The following ACMSD variants were observed in gnomAD, a reference collection of about 807,000 sequenced individuals.
The protein encoded by ACMSD is 2-amino-3-carboxymuconate-6-semialdehyde decarboxylase.
Under a neutral mutation model 45.9 loss-of-function variants are expected in ACMSD, and 37 were observed. That is an observed-to-expected ratio of 0.81 (90% CI 0.62 to 1.06). ACMSD has a LOEUF of 1.06. ACMSD is among the 50% of genes least tolerant of loss of function. ACMSD has a pLI of 0.00. For synonymous variants in ACMSD, 138 were observed against 148.8 expected, an observed-to-expected ratio of 0.93 and a Z score of 0.53; for missense variants, 434 against 420.9, an observed-to-expected ratio of 1.03 and a Z score of -0.27.
In ACMSD at chr2:134,885,313, A is replaced by ATT. The variant is rs1302236521; in HGVS notation, c.849+12673_849+12674insTT. Among the ~76,000 whole-genome samples, 43 of 103,644 alleles carry ATT rather than the reference A, an allele frequency of 4.1e-4. No homozygotes were observed. In the Middle Eastern group the frequency reaches 0.016, roughly 39 times the overall value. 68.0% of individuals were successfully genotyped at this position (103,644 alleles called of 152,430 possible). On this transcript the variant is annotated intron_variant, in intron 8 of 9. Transcript: ENST00000356140. ...TATTTATATATATATTTAAATATAT[A>ATT]TATATAAATATATATGTAAATATAT...
At chr2:134,872,833 G>A (rs1688526433) in intron 8 of ACMSD, 192 bp downstream of exon 8, 1 of 606,180 alleles carries the variant, frequency 1.6e-6, no homozygotes, top group African/African-American at 1.9e-5. Flanking sequence ...TCCACACAGA[G>A]TACATAACAC....
At chr2:134,838,972 A>G (rs972724788) in intron 1 of ACMSD, among the ~76,000 whole-genome samples, 1 of 152,232 alleles carries the variant, frequency 6.6e-6, no homozygotes, top group East Asian at 1.9e-4. Flanking sequence ...TTTTCCCTCA[A>G]ATGAACCATT....
At position 134,872,523 on chromosome 2, in the gene ACMSD, C is replaced by T; in HGVS notation, c.731C>T (p.Pro244Leu). The T allele has an allele frequency of 6.2e-7, 1 of 1,614,158 alleles. No homozygotes were observed. The highest frequency in any genetic ancestry group is 8.5e-7 in the Non-Finnish European group (1 of 1,180,036). Residue 244 changes from proline (P) to leucine (L), a missense_variant, in exon 8 of 10, where the codon CCA becomes CTA. Transcript: ENST00000356140. ...GRISHGFSMR[P>L]DLCAQDNPMN... ...ATCTCCCATGGATTCAGCATGCGCC[C>T]AGATCTGTGTGCCCAGGACAACCCC...
chr2:134,874,506 G>A (rs1212608300), intron 8 of ACMSD, among the ~76,000 whole-genome samples: 2 of 152,120 alleles, frequency 1.3e-5, no homozygotes. Context: ...AGAGCAACCT[G>A]GCCAGATTTG....
rs1476973918 is a variant in ACMSD, at chr2:134,840,187, AAAAAAAC to A, written c.57+1449_57+1455del. Among the ~76,000 whole-genome samples, 160 of 136,518 alleles carry A rather than the reference AAAAAAAC, an allele frequency of 1.2e-3. 6 individuals are homozygous for A. The highest frequency in any genetic ancestry group is 3.6e-3 in the African/African-American group (129 of 35,750). 89.6% of individuals were successfully genotyped at this position (136,518 alleles called of 152,430 possible). A position where few individuals can be genotyped will look rare whatever the true frequency, so the allele number is the denominator to read the frequency against. On this transcript the variant is annotated intron_variant, in intron 1 of 9. Transcript: ENST00000356140. ...CCTAGCAAAAAAAAAAAAAAAAAAA[AAAAAAAC>A]CACTAATTCCTCTGTTACAGCTTTT...
In ACMSD at chr2:134,863,579, C is replaced by G. The variant is rs550216514; in HGVS notation, c.434C>G (p.Thr145Ser). The G allele has an allele frequency of 5.0e-6, 8 of 1,614,182 alleles. No homozygotes were observed. The South Asian group carries it at 8.8e-5, about 18-fold the overall frequency. The change falls in exon 5 of 10, where the codon ACC (threonine) becomes AGC (serine). Residue 145 changes from threonine to serine, a missense_variant. Physicochemically the swap from Thr to Ser is moderately conservative, Grantham distance 58. Coordinates refer to ENST00000356140, the MANE Select transcript of ACMSD (RefSeq NM_138326.3). Reference sequence around the variant, plus strand: ...GGCTTTCCCGGGGTCCAAATTGGCACCCACGTCAACGAGTGGGACCTGAAC... The same window carrying G: ...GGCTTTCCCGGGGTCCAAATTGGCAGCCACGTCAACGAGTGGGACCTGAAC... ...ELGFPGVQIG[T>S]HVNEWDLNAQ... is the part of the protein sequence containing the mutation.
At chr2:134,900,655 G>T (rs1690445935) in intron 9 of ACMSD, among the ~76,000 whole-genome samples, 1 of 152,146 alleles carries the variant, frequency 6.6e-6, no homozygotes, top group African/African-American at 2.4e-5. Context: ...AGTAATTTGT[G>T]CACAGTATAT....
intron 6 of ACMSD, chr2:134,867,878 T>C (rs1573657610): frequency 5.6e-6 from 2 of 359,504 alleles, no homozygotes; most frequent in East Asian, 4.4e-5. Context: ...TCCAATACCA[T>C]CATAAATAAA....
chr2:134,876,659 T>C (rs1213182504), intron 8 of ACMSD, among the ~76,000 whole-genome samples: 8 of 152,192 alleles, frequency 5.3e-5, no homozygotes, highest in East Asian at 1.9e-4. Context: ...GTTAATTTTT[T>C]TTAATAAGTA....
intron 4 of ACMSD, chr2:134,862,853 G>A: frequency 1.9e-6 from 1 of 533,224 alleles, no homozygotes; most frequent in South Asian, 8.2e-5. Context: ...GGGAGCATTA[G>A]GAAAACCAAC....
intron 9 of ACMSD, among the ~76,000 whole-genome samples, chr2:134,901,491 TG>T (rs1690498260): frequency 6.6e-6 from 1 of 152,216 alleles, no homozygotes; most frequent in Admixed American, 6.5e-5. Context: ...TCTCTGTATT[TG>T]CCCCCAAATG....
At position 134,859,265 on chromosome 2, in the gene ACMSD, A is replaced by G. The variant is rs766592428; in HGVS notation, c.107A>G (p.Glu36Gly). The G allele has an allele frequency of 8.7e-6, 14 of 1,613,802 alleles. No individual in the cohort carries two copies. In the East Asian group the frequency reaches 3.1e-4, roughly 36 times the overall value. ...WVQLQHHSKG[E>G]AKLLKDGKVF... ...AATGTGGGTTTTCTGCCCCAGGGAG[A>G]AGCAAAGTTGTTGAAAGATGGGAAA... is the stretch of plus-strand genomic sequence containing the variant. Residue 36 changes from glutamate (E) to glycine (G), a missense_variant, in exon 3 of 10, where the codon GAA (glutamate) becomes GGA (glycine). Glu to Gly is a moderately conservative substitution (Grantham distance 98, BLOSUM62 -2). Transcript: ENST00000356140.
intron 2 of ACMSD, among the ~76,000 whole-genome samples, chr2:134,846,615 C>A (rs1344181591): frequency 6.6e-6 from 1 of 152,062 alleles, no homozygotes; most frequent in Non-Finnish European, 1.5e-5. Context: ...CTATGTTGTC[C>A]AGGCTGACCT....
At chr2:134,847,819 T>C (rs1261902778) in intron 2 of ACMSD, among the ~76,000 whole-genome samples, 1 of 151,918 alleles carries the variant, frequency 6.6e-6, no homozygotes, top group Non-Finnish European at 1.5e-5. Flanking sequence ...TAGTATTCCA[T>C]GGTATATATA....
chr2:134,901,765 A>G (rs377281354), intron 9 of ACMSD, 33 bp from the exon 10 acceptor site: 6 of 1,555,098 alleles, frequency 3.9e-6, no homozygotes, highest in East Asian at 2.3e-5. Flanking sequence ...AAAACAACCA[A>G]TAATGCTTTA....
intron 6 of ACMSD, among the ~76,000 whole-genome samples, chr2:134,868,246 G>T (rs1199115802): frequency 6.6e-6 from 1 of 152,142 alleles, no homozygotes; most frequent in Non-Finnish European, 1.5e-5. Flanking sequence ...CCTCTCTTCT[G>T]CCCTTTGCCT....
At position 134,840,194 on chromosome 2, in the gene ACMSD, C is replaced by CAAAA. The variant is rs1300580743; in HGVS notation, c.57+1455_57+1456insAAAA. Among the ~76,000 whole-genome samples the CAAAA allele has an allele frequency of 1.0e-4, 7 of 68,764 alleles. No homozygotes were observed. The East Asian group carries it at 1.9e-3, about 19-fold the overall frequency. 45.1% of individuals were successfully genotyped at this position (68,764 alleles called of 152,430 possible). The stretch of plus-strand genomic sequence containing the variant: ...AAAAAAAAAAAAAAAAAAAAAAAAA[C>CAAAA]CACTAATTCCTCTGTTACAGCTTTT... On this transcript the variant is annotated intron_variant, in intron 1 of 9. Coordinates refer to ENST00000356140, the MANE Select transcript of ACMSD (RefSeq NM_138326.3).
rs1334780069 is a variant in ACMSD, at chr2:134,872,470, T to C, written c.678T>C (p.Gly226=). 1.9e-6 allele frequency: 3 copies of C among 1,614,036 alleles called. No individual in the cohort carries two copies. In the African/African-American group the frequency reaches 4.0e-5, roughly 22 times the overall value. ...PKLKVCFAHG[G]GAFPFTVGRI... ...CTCAGTAATGGGTTTTACTTGCAGG[T>C]GGTGCCTTCCCCTTCACAGTGGGAA... The change falls in exon 8 of 10, where the codon GGT becomes GGC. Residue 226 remains glycine, a splice_region_variant and synonymous_variant. Coordinates refer to ENST00000356140, the MANE Select transcript of ACMSD (RefSeq NM_138326.3).
At chr2:134,857,966 C>T (rs1207661284) in intron 2 of ACMSD, 1 of 151,700 alleles carries the variant, frequency 6.6e-6, no homozygotes, top group Non-Finnish European at 1.5e-5. Context: ...TTGATATGAT[C>T]ATATGTTTTC....
Sources: allele counts gnomAD v4.1 joint callset (sites outside exome capture counted in the v4.1 genomes callset), GRCh38; gene constraint gnomAD v4.1.1; transcripts MANE v1.5; gene names NCBI Gene and HGNC (gene_info 2026-07-23, HGNC 2026-07-21).